ZNF407: variants seen among roughly 807,000 people sequenced by gnomAD.
ZNF407 encodes the protein zinc finger protein 407.
A neutral mutation model predicts 131.2 loss-of-function variants in ZNF407; 17 were observed. That is an observed-to-expected ratio of 0.13 (90% CI 0.09 to 0.19). The LOEUF (loss-of-function observed/expected upper bound fraction) is 0.19, where lower values mean the gene tolerates loss of function less well. Among genes scored for constraint, ZNF407 ranks in the 10% least tolerant of loss-of-function variants. The pLI is 1.00. For synonymous variants in ZNF407, 1,156 were observed against 1,062.0 expected (o/e 1.09, Z -1.72); for missense variants, 2,681 against 2,830.6 (o/e 0.95, Z 1.20).
chr18:74,632,626 T>C lies in ZNF407; in HGVS notation c.1607T>C (p.Val536Ala), dbSNP rs984106740. The C allele has an allele frequency of 1.2e-6, 2 of 1,614,024 alleles. No homozygotes were observed. Among genetic ancestry groups the C allele is most frequent in the Middle Eastern group, 1.6e-4 (1 of 6,062 alleles). The change falls in exon 2 of 9, where the codon GTA becomes GCA. Residue 536 changes from valine (V) to alanine (A), a missense_variant. Physicochemically the swap from Val to Ala is moderately conservative, Grantham distance 64. Transcript: ENST00000299687. ...TLCACTDCGQ[V>A]ATNRTDLEIH... ...TGTGCTTGTACAGACTGTGGGCAAG[T>C]AGCTACAAATAGGACAGATTTGGAA...
At chr18:74,843,136 A>G (rs1386036619) in intron 4 of ZNF407, among the ~76,000 whole-genome samples, 1 of 152,186 alleles carries the variant, frequency 6.6e-6, no homozygotes, top group Non-Finnish European at 1.5e-5. Flanking sequence ...AACCAAAAAT[A>G]CTTTGACGAA....
intron 4 of ZNF407, among the ~76,000 whole-genome samples, chr18:74,836,449 G>A (rs1970560963): frequency 6.6e-6 from 1 of 152,216 alleles, no homozygotes; most frequent in Non-Finnish European, 1.5e-5. Flanking sequence ...TTTGGGGAAT[G>A]CCTGCCTGCT....
intron 8 of ZNF407, among the ~76,000 whole-genome samples, chr18:75,013,457 A>G (rs554718620): frequency 1.7e-4 from 26 of 152,102 alleles, no homozygotes; most frequent in Non-Finnish European, 3.1e-4. Context: ...TCTTCCTCTA[A>G]TAAAAAAGGC....
intron 1 of ZNF407, among the ~76,000 whole-genome samples, chr18:74,608,720 G>A (rs1982921539): frequency 6.6e-6 from 1 of 152,106 alleles, no homozygotes; most frequent in African/African-American, 2.4e-5. Context: ...TTTGTAGAAT[G>A]TCCCTCAGTT....
chr18:74,825,513 T>C (rs576730337), intron 4 of ZNF407, among the ~76,000 whole-genome samples: 1 of 152,322 alleles, frequency 6.6e-6, no homozygotes, highest in East Asian at 1.9e-4. Context: ...ACAAAATCAA[T>C]GTATTTTTAA....
rs199577995 is a variant in ZNF407, at chr18:74,633,177, C to G, written c.2158C>G (p.Leu720Val). Residue 720 changes from leucine to valine, a missense_variant, in exon 2 of 9, where the codon CTC becomes GTC. Leu to Val is a conservative substitution (Grantham distance 32, BLOSUM62 1). Transcript: ENST00000299687. ...TTATAAAACAAGATCTTCTACTGTT[C>G]TCACGAGACATATAAAGCTTCGGCA... is the stretch of plus-strand genomic sequence containing the variant. ...CFYKTRSSTV[L>V]TRHIKLRHGQ... 8 of 1,613,474 alleles carry G rather than the reference C, an allele frequency of 5.0e-6. No homozygotes were observed. Among genetic ancestry groups the G allele is most frequent in the Non-Finnish European group, 6.8e-6 (8 of 1,179,766 alleles).
At chr18:74,777,987 T>C (rs915635707) in intron 3 of ZNF407, among the ~76,000 whole-genome samples, 1 of 152,060 alleles carries the variant, frequency 6.6e-6, no homozygotes, top group Admixed American at 6.5e-5. Flanking sequence ...AAAGCTAAGG[T>C]GTGAGGATCC....
At chr18:74,801,936 C>G (rs1388144174) in intron 4 of ZNF407, among the ~76,000 whole-genome samples, 2 of 152,126 alleles carry the variant, frequency 1.3e-5, no homozygotes, top group Non-Finnish European at 2.9e-5. Context: ...GAAGAAAGTG[C>G]TCTTCCTTAA....
At chr18:75,037,213 A>T (rs1973318972) in intron 8 of ZNF407, among the ~76,000 whole-genome samples, 1 of 152,196 alleles carries the variant, frequency 6.6e-6, no homozygotes, top group Non-Finnish European at 1.5e-5. Context: ...ATATCATCAT[A>T]TTGCCTCATT....
chr18:75,064,012 G>C lies in ZNF407; in HGVS notation c.6291G>C (p.Leu2097Phe), dbSNP rs376148613. The change falls in exon 9 of 9, where the codon TTG becomes TTC. Residue 2097 changes from leucine to phenylalanine, a missense_variant. Physicochemically the swap from Leu to Phe is conservative, Grantham distance 22. Around this residue, in one of 6 missense-constraint regions of ZNF407, gnomAD observed 620 missense variants for 583.1 expected, o/e 1.06. Transcript: ENST00000299687. ...GTGACACGGCCGCGGCCGGCCAGTT[G>C]GTCAAGGACGGTGTCACCCAGGTGG... ...AVCDTAAAGQ[L>F]VKDGVTQVVV... The C allele has an allele frequency of 3.1e-6, 5 of 1,607,540 alleles. No individual in the cohort carries two copies. The highest frequency in any genetic ancestry group is 1.3e-5 in the African/African-American group (1 of 74,792).
chr18:75,022,217 A>T (rs373149637), intron 8 of ZNF407, among the ~76,000 whole-genome samples: 1 of 152,192 alleles, frequency 6.6e-6, no homozygotes, highest in African/African-American at 2.4e-5. Flanking sequence ...GCTGCAGGTA[A>T]TGGTGCTCAT....
intron 8 of ZNF407, among the ~76,000 whole-genome samples, chr18:75,013,925 C>T (rs982087229): frequency 1.2e-4 from 18 of 152,146 alleles, no homozygotes; most frequent in East Asian, 1.2e-3. Flanking sequence ...GTTTCTGTTT[C>T]GCTTGAGTTG....
intron 3 of ZNF407, among the ~76,000 whole-genome samples, chr18:74,724,056 T>A (rs1316134435): frequency 6.6e-6 from 1 of 152,152 alleles, no homozygotes; most frequent in Non-Finnish European, 1.5e-5. Context: ...TATATGTTTA[T>A]TGTGAGAAAC....
intron 8 of ZNF407, among the ~76,000 whole-genome samples, chr18:75,043,233 A>T (rs778219741): frequency 6.6e-6 from 1 of 152,104 alleles, no homozygotes; most frequent in Non-Finnish European, 1.5e-5. Context: ...TGTGTATCTC[A>T]TCATGGTTTT....
At chr18:74,774,105 C>G (rs1346532719) in intron 3 of ZNF407, among the ~76,000 whole-genome samples, 1 of 152,098 alleles carries the variant, frequency 6.6e-6, no homozygotes, top group Non-Finnish European at 1.5e-5. Flanking sequence ...TTGAGAATTA[C>G]AAGACATAAT....
intron 1 of ZNF407, among the ~76,000 whole-genome samples, chr18:74,627,809 T>TGCCCTGC (rs1568318903): frequency 2.0e-5 from 2 of 101,144 alleles, no homozygotes; most frequent in African/African-American, 9.5e-5. Context: ...TCTCTTTCTC[T>TGCCCTGC]CTTTCTGCCC....
chr18:74,848,584 A>G (rs1158579930), intron 4 of ZNF407, among the ~76,000 whole-genome samples: 1 of 152,170 alleles, frequency 6.6e-6, no homozygotes, highest in African/African-American at 2.4e-5. Flanking sequence ...AACAGAATGT[A>G]AATTTGATAA....
chr18:75,040,183 G>A (rs1235252506), intron 8 of ZNF407, among the ~76,000 whole-genome samples: 2 of 152,112 alleles, frequency 1.3e-5, no homozygotes, highest in African/African-American at 2.4e-5. Flanking sequence ...CTTTGATCAC[G>A]TGGAGTGATG....
chr18:74,762,821 C>A (rs559877613), intron 3 of ZNF407, among the ~76,000 whole-genome samples: 1 of 151,668 alleles, frequency 6.6e-6, no homozygotes, highest in African/African-American at 2.4e-5. Flanking sequence ...GTTTCTTTAT[C>A]CCTTTGTTTA....
Sources: gnomAD v4.1 joint callset for allele counts (sites outside exome capture counted in the v4.1 genomes callset) on GRCh38, gnomAD v4.1.1 for gene constraint, gnomAD v4.1.1 regional missense constraint, MANE v1.5 for transcripts, NCBI Gene and HGNC (gene_info 2026-07-23, HGNC 2026-07-21) for gene names.